LAMP3: variants seen among roughly 807,000 people sequenced by gnomAD.
LAMP3 encodes the protein lysosome associated membrane protein 3.
In LAMP3, 26 loss-of-function variants were observed where a neutral mutation model predicts 34.8. The ratio of observed to expected loss-of-function variants is 0.75; its 90% CI spans 0.55 to 1.04. The LOEUF is 1.04. LAMP3 is among the 50% of genes least tolerant of loss of function. LAMP3 has a pLI of 0.00. For synonymous variants in LAMP3, 180 were observed against 201.9 expected (o/e 0.89, Z 0.92); for missense variants, 495 against 524.0 (o/e 0.94, Z 0.54).
chr3:183,149,792 TAC>T (rs1720574711), intron 3 of LAMP3, among the ~76,000 whole-genome samples: 1 of 151,812 alleles, frequency 6.6e-6, no homozygotes, highest in Admixed American at 6.6e-5. Context: ...ATGTGATTAT[TAC>T]ACATTGCATG....
intron 1 of LAMP3, among the ~76,000 whole-genome samples, chr3:183,156,701 G>A (rs1003596663): frequency 7.2e-5 from 11 of 152,176 alleles, no homozygotes; most frequent in Non-Finnish European, 4.4e-5. Context: ...GAAGGCCTTA[G>A]GTCAAGGGTC....
rs1196606213 is a variant in LAMP3 at position 183,122,655 on chromosome 3, A to C, written c.*1426T>G. ...TTACAGCCCAGCTAAGCAATCCCAT[A>C]AAAATGAGCAACTGACTAATGTTTT... On this transcript the variant is annotated 3_prime_UTR_variant, in exon 6 of 6. Transcript: ENST00000265598. The C allele has an allele frequency of 6.6e-6, 1 of 152,214 alleles. No homozygotes were observed. Among genetic ancestry groups the C allele is most frequent in the East Asian group, 1.9e-4 (1 of 5,200 alleles). 9.4% of individuals were successfully genotyped at this position (152,214 alleles called of 1,614,324 possible).
At chr3:183,140,668 GT>G in intron 3 of LAMP3, 73 bp from the exon 4 acceptor site, 2 of 1,021,106 alleles carry the variant, frequency 2.0e-6, no homozygotes, top group Non-Finnish European at 3.1e-6. Flanking sequence ...TATAAACTTT[GT>G]TTAAGATTCC....
At chr3:183,141,058 A>C (rs1018425964) in intron 3 of LAMP3, among the ~76,000 whole-genome samples, 2 of 152,214 alleles carry the variant, frequency 1.3e-5, no homozygotes, top group African/African-American at 4.8e-5. Flanking sequence ...CTCATCCTTA[A>C]GGATACCATG....
intron 5 of LAMP3, chr3:183,132,867 C>T (rs551145630): frequency 1.5e-5 from 15 of 985,422 alleles, no homozygotes; most frequent in East Asian, 1.1e-4. Flanking sequence ...ACCAGACATG[C>T]GGTTAGCAAA....
intron 3 of LAMP3, among the ~76,000 whole-genome samples, chr3:183,149,800 G>C (rs1422167749): frequency 1.3e-5 from 2 of 151,614 alleles, no homozygotes. Context: ...ATTACACATT[G>C]CATGCCTATA....
At chr3:183,135,514 C>T (rs985380927) in intron 5 of LAMP3, among the ~76,000 whole-genome samples, 1 of 152,116 alleles carries the variant, frequency 6.6e-6, no homozygotes, top group Non-Finnish European at 1.5e-5. Flanking sequence ...CAACCCGCTG[C>T]GGGACAGCCG....
chr3:183,145,620 C>G (rs1191664079), intron 3 of LAMP3, among the ~76,000 whole-genome samples: 1 of 152,122 alleles, frequency 6.6e-6, no homozygotes, highest in Non-Finnish European at 1.5e-5. Context: ...TTTGGGAGGC[C>G]GAGGTTGGGC....
chr3:183,124,285 G>C (rs1719733246), intron 5 of LAMP3, 71 bp from the exon 6 acceptor site: 9 of 1,323,958 alleles, frequency 6.8e-6, no homozygotes. Flanking sequence ...GGCTAGAGGG[G>C]AAAGAAGATG....
chr3:183,162,554 G>A (rs1357975250), intron 1 of LAMP3, 53 bp downstream of exon 1: 28 of 1,529,706 alleles, frequency 1.8e-5, no homozygotes, highest in Non-Finnish European at 2.5e-5. Flanking sequence ...GCGTTTAGAT[G>A]AAAGGGGACC....
intron 4 of LAMP3, among the ~76,000 whole-genome samples, chr3:183,139,403 A>G (rs1350279968): frequency 1.3e-5 from 2 of 151,836 alleles, no homozygotes; most frequent in Non-Finnish European, 2.9e-5. Flanking sequence ...AAAAAAAAAA[A>G]AAGAACTTAT....
chr3:183,158,531 C>A (rs1032368762), intron 1 of LAMP3, among the ~76,000 whole-genome samples: 1 of 121,186 alleles, frequency 8.3e-6, no homozygotes, highest in African/African-American at 3.1e-5. Context: ...ACTTGGCAAA[C>A]AAGCACCCCA....
intron 4 of LAMP3, among the ~76,000 whole-genome samples, chr3:183,136,265 A>G (rs566991329): frequency 1.3e-5 from 2 of 152,324 alleles, no homozygotes; most frequent in African/African-American, 4.8e-5. Flanking sequence ...TCTGAGACTT[A>G]GAAAGTCACA....
intron 5 of LAMP3, among the ~76,000 whole-genome samples, chr3:183,129,792 GC>G (rs1035457014): frequency 9.2e-5 from 14 of 151,894 alleles, no homozygotes; most frequent in East Asian, 5.8e-4. Context: ...TCCCCTCCCT[GC>G]CCCCAAATTT....
chr3:183,153,872 T>C lies in LAMP3; in HGVS notation c.569A>G (p.His190Arg), dbSNP rs747252759. ...TTGQKPVQPT[H>R]APGTTAAAHN... Reference sequence around the variant, plus strand: ...GGCAGCTGCCGTTGTTCCTGGGGCATGGGTGGGTTGAACAGGCTTCTGACC... The same window carrying C: ...GGCAGCTGCCGTTGTTCCTGGGGCACGGGTGGGTTGAACAGGCTTCTGACC... Residue 190 changes from histidine (H) to arginine (R), a missense_variant, in exon 2 of 6, where the codon CAT becomes CGT. His to Arg is a conservative substitution (Grantham distance 29). Transcript: ENST00000265598. The C allele has an allele frequency of 5.6e-6, 9 of 1,613,546 alleles. No individual in the cohort carries two copies. In the Admixed American group the frequency reaches 1.5e-4, roughly 27 times the overall value.
chr3:183,153,694 T>G lies in LAMP3; in HGVS notation c.747A>C (p.Gln249His), dbSNP rs112754078. ...GGCCCCAACTTACCGACTCCTTGTCTTGAACAATCAGCTGTATCCCCATCT... is the reference window on the plus strand; with the variant it reads ...GGCCCCAACTTACCGACTCCTTGTCGTGAACAATCAGCTGTATCCCCATCT... ...KAEMGIQLIV[Q>H]DKESVFSPRR... The change falls in exon 2 of 6, where the codon CAA becomes CAC. Residue 249 changes from glutamine (Q) to histidine (H), a missense_variant. By Grantham distance (24) the Gln-to-His change is conservative (BLOSUM62 0). Transcript: ENST00000265598. The G allele has an allele frequency of 6.6e-7, 1 of 1,517,276 alleles. No homozygotes were observed. Among genetic ancestry groups the G allele is most frequent in the African/African-American group, 1.4e-5 (1 of 71,776 alleles). The allele number at this position is 1,517,276 out of a possible 1,614,324, so 94.0% of individuals were successfully genotyped here. A position where few individuals can be genotyped will look rare whatever the true frequency, so the allele number is the denominator to read the frequency against.
intron 4 of LAMP3, among the ~76,000 whole-genome samples, chr3:183,136,477 C>A (rs1162446159): frequency 6.6e-6 from 1 of 151,630 alleles, no homozygotes. Flanking sequence ...CATGGAGAAA[C>A]CCCATCTCTA....
intron 5 of LAMP3, among the ~76,000 whole-genome samples, chr3:183,126,562 G>A (rs1426377085): frequency 7.1e-5 from 10 of 141,502 alleles, no homozygotes; most frequent in South Asian, 4.4e-4. Flanking sequence ...GTGTGTGTGT[G>A]TGCACACGTG....
intron 3 of LAMP3, among the ~76,000 whole-genome samples, chr3:183,151,914 T>G (rs531815077): frequency 3.3e-5 from 5 of 152,216 alleles, no homozygotes; most frequent in Non-Finnish European, 7.3e-5. Flanking sequence ...GTCTGTCCCT[T>G]CCAGGGTATG....
Sources: allele counts gnomAD v4.1 joint callset (sites outside exome capture counted in the v4.1 genomes callset), GRCh38; gene constraint gnomAD v4.1.1; transcripts MANE v1.5; gene names NCBI Gene and HGNC (gene_info 2026-07-23, HGNC 2026-07-21).